The following CLMN variants were observed in gnomAD, a reference collection of about 807,000 sequenced individuals.
CLMN encodes calmin.
In CLMN, 57 loss-of-function variants were observed where a neutral mutation model predicts 92.7. The observed-to-expected ratio is 0.61, with a 90% confidence interval of 0.50 to 0.77. The LOEUF is 0.77. Among genes scored for constraint, CLMN ranks in the 30% least tolerant of loss-of-function variants. The probability of loss-of-function intolerance (pLI) is 0.00; values close to 1 mark genes in which losing one functional copy is unlikely to be tolerated. For missense variants in CLMN, 1,158 were observed against 1,237.5 expected (o/e 0.94, Z 0.96); for synonymous variants, 466 against 470.6 (o/e 0.99, Z 0.13).
In CLMN at chr14:95,194,282, C is replaced by T. The variant is rs557333162; in HGVS notation, c.2769+254G>A. On this transcript the variant is annotated intron_variant, in intron 11 of 12. Transcript: ENST00000298912. This position sits in a 1 kb window ranked among gnomAD's most constrained non-coding sequence, Gnocchi z 4.0. ...GGGTGCGCGCGGGGTCCAGGTGAGG[C>T]GTTTTGGGTGCGTTTTTATAGCAAG... is the stretch of plus-strand genomic sequence containing the variant. 3.2e-5 allele frequency: 45 copies of T among 1,405,758 alleles called. No homozygotes were observed. The highest frequency in any genetic ancestry group is 3.0e-4 in the African/African-American group (21 of 69,202). The allele number at this position is 1,405,758 out of a possible 1,614,324, so 87.1% of individuals were successfully genotyped here. A position where few individuals can be genotyped will look rare whatever the true frequency, so the allele number is the denominator to read the frequency against.
chr14:95,255,134 G>A (rs867199739), intron 1 of CLMN, among the ~76,000 whole-genome samples: 6 of 152,178 alleles, frequency 3.9e-5, no homozygotes, highest in Non-Finnish European at 5.9e-5. Flanking sequence ...AGGAGGGGCA[G>A]GGGACGGCCA....
intron 5 of CLMN, among the ~76,000 whole-genome samples, chr14:95,214,063 T>C (rs1311193249): frequency 6.6e-6 from 1 of 151,994 alleles, no homozygotes; most frequent in Non-Finnish European, 1.5e-5. Context: ...CCATCTGAGC[T>C]AGCTGCCCCT....
chr14:95,288,153 C>A (rs886740291), intron 1 of CLMN, among the ~76,000 whole-genome samples: 3 of 152,322 alleles, frequency 2.0e-5, no homozygotes, highest in Non-Finnish European at 2.9e-5. Context: ...TATACTGCCA[C>A]AGTGGTATCC....
Position 95,256,211 on chromosome 14 carries a change from G to A in CLMN, c.83-26078C>T, listed in dbSNP as rs762548491. Reference sequence around the variant, plus strand: ...GTCCTCGCCACGGGCACACCCAACCGAGGCCCGCCACCCACTCCTCGGCAC... The same window carrying A: ...GTCCTCGCCACGGGCACACCCAACCAAGGCCCGCCACCCACTCCTCGGCAC... On this transcript the variant is annotated intron_variant, in intron 1 of 12. Coordinates refer to ENST00000298912, the MANE Select transcript of CLMN (RefSeq NM_024734.4). This position sits in a 1 kb window ranked among gnomAD's most constrained non-coding sequence, Gnocchi z 4.9. 2.0e-5 allele frequency among the ~76,000 whole-genome samples: 3 copies of A among 152,284 alleles called. 1 individual carries two copies. The East Asian group carries it at 5.8e-4, about 29-fold the overall frequency.
chr14:95,305,415 A>T (rs533319545), intron 1 of CLMN, among the ~76,000 whole-genome samples: 39 of 152,382 alleles, frequency 2.6e-4, no homozygotes, highest in Non-Finnish European at 4.4e-4. Flanking sequence ...AGTCGTGAAC[A>T]AGAGGCTTCT....
At chr14:95,293,854 T>C (rs1287882723) in intron 1 of CLMN, among the ~76,000 whole-genome samples, 1 of 152,188 alleles carries the variant, frequency 6.6e-6, no homozygotes, top group Non-Finnish European at 1.5e-5. Flanking sequence ...AAACCAAGTC[T>C]GGTGTTGTTC....
chr14:95,230,248 C>A (rs1897841499), intron 1 of CLMN, 115 bp from the exon 2 acceptor site: 2 of 930,878 alleles, frequency 2.1e-6, no homozygotes, highest in East Asian at 2.5e-5. Flanking sequence ...CAGGGTGTCC[C>A]ATGTAAGAAC....
At chr14:95,245,212 AT>A (rs1369321538) in intron 1 of CLMN, among the ~76,000 whole-genome samples, 15 of 30,988 alleles carry the variant, frequency 4.8e-4, no homozygotes, top group African/African-American at 1.3e-3. Context: ...TATATATTAT[AT>A]ATATATATAT....
chr14:95,254,084 C>T (rs998645225), intron 1 of CLMN, among the ~76,000 whole-genome samples: 3 of 152,200 alleles, frequency 2.0e-5, no homozygotes, highest in Non-Finnish European at 2.9e-5. Context: ...CCTAGCAGCA[C>T]CACTGTTGTG....
Position 95,182,038 on chromosome 14 carries a change from AAC to A in CLMN, c.*9524_*9525del, listed in dbSNP as rs1283761909. 6.6e-6 allele frequency: 1 copy of A among 152,238 alleles called. No individual in the cohort carries two copies. Among genetic ancestry groups the A allele is most frequent in the Non-Finnish European group, 1.5e-5 (1 of 68,040 alleles). 9.4% of individuals were successfully genotyped at this position (152,238 alleles called of 1,614,324 possible). A position where few individuals can be genotyped will look rare whatever the true frequency, so the allele number is the denominator to read the frequency against. On this transcript the variant is annotated 3_prime_UTR_variant, in exon 13 of 13. Transcript: ENST00000298912. ...CCAAGCCTAATATTCCTTAATAGAA[AAC>A]AGTCAAATAACAAATACTCCAGTTA...
intron 1 of CLMN, among the ~76,000 whole-genome samples, chr14:95,305,957 A>C (rs1057340642): frequency 7.9e-5 from 12 of 152,358 alleles, no homozygotes; most frequent in African/African-American, 2.6e-4. Context: ...GCAATCAAGA[A>C]TTAGAGTATA....
intron 7 of CLMN, among the ~76,000 whole-genome samples, chr14:95,209,884 G>A (rs1189964589): frequency 1.3e-5 from 2 of 152,178 alleles, no homozygotes; most frequent in Non-Finnish European, 2.9e-5. Context: ...CTTTAAACAG[G>A]TATGGGCTCT....
chr14:95,243,736 T>TTTTTC, intron 1 of CLMN, among the ~76,000 whole-genome samples: 1 of 138,656 alleles, frequency 7.2e-6, no homozygotes, highest in African/African-American at 2.5e-5. Flanking sequence ...TTTTTTTTTT[T>TTTTTC]AGCACCAAAG....
intron 1 of CLMN, among the ~76,000 whole-genome samples, chr14:95,293,076 G>A (rs950790073): frequency 6.6e-6 from 1 of 151,980 alleles, no homozygotes; most frequent in East Asian, 1.9e-4. Flanking sequence ...CAATAACTAT[G>A]TCAGGGTAAA....
At chr14:95,226,736 T>C (rs1897723099) in intron 2 of CLMN, among the ~76,000 whole-genome samples, 3 of 152,136 alleles carry the variant, frequency 2.0e-5, no homozygotes, top group Admixed American at 2.0e-4. Flanking sequence ...CCATCACGTC[T>C]GGTTAATTTT....
chr14:95,201,249 G>A lies in CLMN; in HGVS notation c.2511+1589C>T, dbSNP rs180927412. Among the ~76,000 whole-genome samples the A allele has an allele frequency of 5.6e-3, 850 of 151,626 alleles. 10 individuals carry two copies. Among genetic ancestry groups the A allele is most frequent in the African/African-American group, 0.019 (804 of 41,354 alleles). On this transcript the variant is annotated intron_variant, in intron 9 of 12. Transcript: ENST00000298912. Reference sequence around the variant, plus strand: ...GTTCATGTGCAAGTTTGTTATGTAGGTATATTGCATGATGCTGAAGCTTGG... The same window carrying A: ...GTTCATGTGCAAGTTTGTTATGTAGATATATTGCATGATGCTGAAGCTTGG...
intron 3 of CLMN, 126 bp downstream of exon 3, chr14:95,223,634 A>T: frequency 3.0e-6 from 2 of 675,458 alleles, no homozygotes; most frequent in East Asian, 5.7e-5. Context: ...AGGCACTAAT[A>T]AAAAAAGTCA....
chr14:95,281,438 G>C (rs950990634), intron 1 of CLMN, among the ~76,000 whole-genome samples: 4 of 152,154 alleles, frequency 2.6e-5, no homozygotes, highest in African/African-American at 9.6e-5. Context: ...ACTAGAGAAA[G>C]AAAAATTATG....
intron 1 of CLMN, chr14:95,260,456 A>G (rs929852334): frequency 6.6e-6 from 1 of 151,376 alleles, no homozygotes; most frequent in African/African-American, 2.4e-5. Context: ...AAAAAAAAAG[A>G]ATGGATCCAA....
Sources: gnomAD v4.1 joint callset for allele counts (sites outside exome capture counted in the v4.1 genomes callset) on GRCh38, gnomAD v4.1.1 for gene constraint, Gnocchi (gnomAD v3.1) non-coding constraint, MANE v1.5 for transcripts, NCBI Gene and HGNC (gene_info 2026-07-23, HGNC 2026-07-21) for gene names.